GTF2F2: variants seen among roughly 807,000 people sequenced by gnomAD.
GTF2F2 encodes the protein general transcription factor IIF subunit 2.
Under a neutral mutation model 42.2 loss-of-function variants are expected in GTF2F2, and 23 were observed. The observed-to-expected ratio is 0.55, with a 90% CI of 0.39 to 0.77. The LOEUF (loss-of-function observed/expected upper bound fraction) is 0.77. GTF2F2 is among the 30% of genes least tolerant of loss of function. The probability of loss-of-function intolerance (pLI) is 0.00; values close to 1 mark genes in which losing one functional copy is unlikely to be tolerated. For missense variants in GTF2F2, 261 were observed against 287.2 expected (o/e 0.91, Z 0.66); for synonymous variants, 105 against 100.8 (o/e 1.04, Z -0.25).
At chr13:45,260,059 G>GA (rs1268586099) in intron 6 of GTF2F2, among the ~76,000 whole-genome samples, 1 of 150,592 alleles carries the variant, frequency 6.6e-6, no homozygotes. Flanking sequence ...ATGGGTAAGA[G>GA]AAAAAAAAGA....
chr13:45,186,329 T>C (rs1449964778), intron 4 of GTF2F2, among the ~76,000 whole-genome samples: 2 of 149,962 alleles, frequency 1.3e-5, no homozygotes, highest in Non-Finnish European at 3.0e-5. Context: ...TCTGGCCCCG[T>C]CACCCAAACT....
At chr13:45,221,318 C>T (rs532375779) in intron 5 of GTF2F2, among the ~76,000 whole-genome samples, 5 of 152,278 alleles carry the variant, frequency 3.3e-5, no homozygotes, top group Non-Finnish European at 7.4e-5. Flanking sequence ...AATCCTACTA[C>T]ACTATTCTAA....
chr13:45,230,538 A>G (rs977980753), intron 5 of GTF2F2, among the ~76,000 whole-genome samples: 4 of 152,204 alleles, frequency 2.6e-5, no homozygotes, highest in Non-Finnish European at 2.9e-5. Context: ...CAACCATAGC[A>G]TTGTCTTGTA....
intron 6 of GTF2F2, among the ~76,000 whole-genome samples, chr13:45,261,974 A>G (rs574371769): frequency 6.6e-6 from 1 of 152,178 alleles, no homozygotes; most frequent in Non-Finnish European, 1.5e-5. Context: ...GGCCATGGAA[A>G]TTATTTAAAT....
Position 45,120,652 on chromosome 13 carries a change from A to G in GTF2F2, c.-4A>G. The G allele has an allele frequency of 6.4e-7, 1 of 1,556,562 alleles. No individual in the cohort carries two copies. Among genetic ancestry groups the G allele is most frequent in the Non-Finnish European group, 8.7e-7 (1 of 1,149,280 alleles). On this transcript the variant is annotated 5_prime_UTR_variant, in exon 1 of 8. Transcript: ENST00000340473. ...TCCCGCACGCCTCCACCGGCTGCAG[A>G]CCCATGGCCGAGCGCGGGGAACTCG...
intron 1 of GTF2F2, among the ~76,000 whole-genome samples, chr13:45,125,277 AT>A (rs1290241122): frequency 2.0e-5 from 3 of 151,358 alleles, no homozygotes; most frequent in Admixed American, 6.6e-5. Flanking sequence ...TGCCATAGAA[AT>A]TTTTTTTCCC....
chr13:45,281,080 A>T (rs978664918), intron 7 of GTF2F2, among the ~76,000 whole-genome samples: 28 of 152,236 alleles, frequency 1.8e-4, no homozygotes, highest in Non-Finnish European at 7.3e-5. Context: ...TTTTAAATGT[A>T]ATTTGAAATA....
At chr13:45,187,418 A>G (rs1404004066) in intron 4 of GTF2F2, among the ~76,000 whole-genome samples, 2 of 152,224 alleles carry the variant, frequency 1.3e-5, no homozygotes, top group African/African-American at 4.8e-5. Flanking sequence ...TTTATTAAAT[A>G]TAGGTCATTT....
At chr13:45,242,709 A>G (rs1373892565) in intron 5 of GTF2F2, among the ~76,000 whole-genome samples, 1 of 152,230 alleles carries the variant, frequency 6.6e-6, no homozygotes, top group South Asian at 2.1e-4. Flanking sequence ...GTATTTGTTA[A>G]TATAGGACTC....
chr13:45,133,584 A>G (rs1309094932), intron 1 of GTF2F2, among the ~76,000 whole-genome samples: 1 of 152,180 alleles, frequency 6.6e-6, no homozygotes, highest in African/African-American at 2.4e-5. Flanking sequence ...TAAGTAGTGG[A>G]GTGGTCATAA....
intron 5 of GTF2F2, among the ~76,000 whole-genome samples, chr13:45,224,495 T>G (rs1357462554): frequency 1.3e-5 from 2 of 152,208 alleles, no homozygotes; most frequent in African/African-American, 4.8e-5. Flanking sequence ...TTTTCCCTTC[T>G]TCTTTTCTGA....
In GTF2F2 at chr13:45,211,649, G is replaced by T. The variant is rs183553809; in HGVS notation, c.386+4144G>T. Among the ~76,000 whole-genome samples, 548 of 149,506 alleles carry T rather than the reference G, an allele frequency of 3.7e-3. 3 individuals are homozygous for T. The highest frequency in any genetic ancestry group is 6.9e-3 in the Admixed American group (104 of 14,970). On this transcript the variant is annotated intron_variant, in intron 5 of 7. Coordinates refer to ENST00000340473, the MANE Select transcript of GTF2F2 (RefSeq NM_004128.3). The stretch of plus-strand genomic sequence containing the variant: ...GTTGCCCAGGCTAGAGTGCAATGGT[G>T]CAATCTCAGCTCACCGCAACCTCCG...
At position 45,274,982 on chromosome 13, in the gene GTF2F2, T is replaced by C. The variant is rs926270976; in HGVS notation, c.630+7606T>C. 2.6e-5 allele frequency among the ~76,000 whole-genome samples: 4 copies of C among 152,046 alleles called. No individual in the cohort carries two copies. In the South Asian group the frequency reaches 6.2e-4, roughly 24 times the overall value. ...GTTGTGCAACCAACACCATAATCAATTTTAGAACATTTCCATTGCCCTAAA... is the reference window on the plus strand; with the variant it reads ...GTTGTGCAACCAACACCATAATCAACTTTAGAACATTTCCATTGCCCTAAA... On this transcript the variant is annotated intron_variant, in intron 7 of 7. Transcript: ENST00000340473.
intron 6 of GTF2F2, among the ~76,000 whole-genome samples, chr13:45,262,969 T>C (rs915004019): frequency 4.0e-5 from 6 of 151,510 alleles, no homozygotes; most frequent in Non-Finnish European, 8.8e-5. Flanking sequence ...CAAGTGATCC[T>C]CCCCCCTTGG....
intron 4 of GTF2F2, among the ~76,000 whole-genome samples, chr13:45,169,193 A>C (rs1871471988): frequency 6.6e-6 from 1 of 152,004 alleles, no homozygotes; most frequent in African/African-American, 2.4e-5. Flanking sequence ...AAACCCAGGT[A>C]CCTCAGAATG....
chr13:45,272,424 T>TAAAAA (rs11393681), intron 7 of GTF2F2, among the ~76,000 whole-genome samples: 21 of 99,614 alleles, frequency 2.1e-4, no homozygotes, highest in African/African-American at 6.7e-4. Flanking sequence ...TTTGGCTCTT[T>TAAAAA]AAAAAAAAAA....
intron 6 of GTF2F2, among the ~76,000 whole-genome samples, chr13:45,256,616 A>C (rs928281123): frequency 6.6e-6 from 1 of 152,160 alleles, no homozygotes; most frequent in African/African-American, 2.4e-5. Context: ...GTAAACCAGG[A>C]TAGGCACCTG....
chr13:45,129,810 C>T (rs1259117950), intron 1 of GTF2F2, among the ~76,000 whole-genome samples: 1 of 152,122 alleles, frequency 6.6e-6, no homozygotes, highest in Non-Finnish European at 1.5e-5. Flanking sequence ...GATAAGTGCT[C>T]TGAAGAAAAA....
chr13:45,241,465 G>T (rs1286942659), intron 5 of GTF2F2, among the ~76,000 whole-genome samples: 1 of 152,072 alleles, frequency 6.6e-6, no homozygotes, highest in Non-Finnish European at 1.5e-5. Context: ...TATCTTTGTT[G>T]TCCAGTATGA....
Sources: gnomAD v4.1 joint callset for allele counts (sites outside exome capture counted in the v4.1 genomes callset) on GRCh38, gnomAD v4.1.1 for gene constraint, MANE v1.5 for transcripts, NCBI Gene and HGNC (gene_info 2026-07-23, HGNC 2026-07-21) for gene names.